The following ZNF827 variants were observed in gnomAD, a reference collection of about 807,000 sequenced individuals.
ZNF827 encodes the protein zinc finger protein 827.
ZNF827 carries 13 observed loss-of-function variants against 102.4 expected under a neutral mutation model. That is an observed-to-expected ratio of 0.13 (90% CI 0.08 to 0.20). ZNF827 has a LOEUF of 0.20. ZNF827 is among the 10% of genes least tolerant of loss of function. The pLI is 1.00. For synonymous variants in ZNF827, 523 were observed against 536.2 expected (o/e 0.98, Z 0.34); for missense variants, 1,103 against 1,344.4 (o/e 0.82, Z 2.81).
intron 11 of ZNF827, among the ~76,000 whole-genome samples, chr4:145,770,286 G>A (rs1183288136): frequency 6.6e-6 from 1 of 151,160 alleles, no homozygotes; most frequent in Admixed American, 6.6e-5. Context: ...GCAACAGAGT[G>A]AGACCCTGTC....
intron 5 of ZNF827, among the ~76,000 whole-genome samples, chr4:145,855,456 A>G (rs1746993715): frequency 6.6e-6 from 1 of 152,238 alleles, no homozygotes; most frequent in Non-Finnish European, 1.5e-5. Flanking sequence ...GTGAACAAGA[A>G]TGCAGACCAA....
At chr4:145,919,083 C>G (rs892395705) in intron 1 of ZNF827, among the ~76,000 whole-genome samples, 1 of 152,042 alleles carries the variant, frequency 6.6e-6, no homozygotes, top group Non-Finnish European at 1.5e-5. Context: ...TAGCAAGACT[C>G]CCATCTCTAC....
At position 145,823,457 on chromosome 4, in the gene ZNF827, C is replaced by G; in HGVS notation, c.2348G>C (p.Ser783Thr). 6.2e-7 allele frequency: 1 copy of G among 1,611,182 alleles called. No individual in the cohort carries two copies. The change falls in exon 8 of 15, where the codon AGT becomes ACT. Residue 783 changes from serine to threonine, a missense_variant. Physicochemically the swap from Ser to Thr is moderately conservative, Grantham distance 58. Transcript: ENST00000508784. ...TATTCTTCCGTGCAGCACGGAGTCA[C>G]TGGGCAGCAGTTCTTTTGAATTGGA... is the stretch of plus-strand genomic sequence containing the variant. The part of the protein sequence containing the change: ...FTSNSKELLP[S>T]DSVLHGRISA...
chr4:145,808,935 G>A (rs1157410572), intron 8 of ZNF827, among the ~76,000 whole-genome samples: 1 of 152,052 alleles, frequency 6.6e-6, no homozygotes, highest in East Asian at 1.9e-4. Context: ...CAAGTAGCTG[G>A]GACTACAGGT....
At chr4:145,860,549 A>G (rs141385175) in intron 5 of ZNF827, among the ~76,000 whole-genome samples, 19 of 152,340 alleles carry the variant, frequency 1.2e-4, no homozygotes, top group African/African-American at 3.4e-4. Flanking sequence ...GGTCGCACAT[A>G]AATTCTATAA....
At chr4:145,845,489 T>TA (rs1040342899) in intron 7 of ZNF827, among the ~76,000 whole-genome samples, 2 of 151,972 alleles carry the variant, frequency 1.3e-5, no homozygotes, top group African/African-American at 2.4e-5. Flanking sequence ...GCTGGGAGGT[T>TA]AAAAAAAATT....
chr4:145,769,068 A>T (rs904750100), intron 11 of ZNF827, among the ~76,000 whole-genome samples: 1 of 151,352 alleles, frequency 6.6e-6, no homozygotes, highest in African/African-American at 2.4e-5. Context: ...AAAGGAAGAA[A>T]TATGTACCCA....
intron 8 of ZNF827, among the ~76,000 whole-genome samples, chr4:145,780,369 G>A (rs1737790570): frequency 6.6e-6 from 1 of 152,198 alleles, no homozygotes; most frequent in Non-Finnish European, 1.5e-5. Flanking sequence ...GTGCTAAGTA[G>A]AATCAGTGAT....
chr4:145,873,862 C>A (rs751604961), intron 4 of ZNF827, among the ~76,000 whole-genome samples: 35 of 152,128 alleles, frequency 2.3e-4, no homozygotes, highest in Admixed American at 2.0e-4. Context: ...TAGTTCATCA[C>A]GACAGAGTAA....
intron 9 of ZNF827, among the ~76,000 whole-genome samples, chr4:145,778,096 A>G (rs1737373502): frequency 6.6e-6 from 1 of 152,142 alleles, no homozygotes; most frequent in Non-Finnish European, 1.5e-5. Context: ...AAAAGACACC[A>G]GTTTGGGCAG....
At chr4:145,845,304 T>G (rs1175991168) in intron 7 of ZNF827, among the ~76,000 whole-genome samples, 30 of 152,222 alleles carry the variant, frequency 2.0e-4, no homozygotes, top group Admixed American at 1.7e-3. Flanking sequence ...CTGATCCTCC[T>G]CTTCTCACAA....
At chr4:145,858,853 A>G (rs1747436154) in intron 5 of ZNF827, among the ~76,000 whole-genome samples, 1 of 152,126 alleles carries the variant, frequency 6.6e-6, no homozygotes, top group Admixed American at 6.5e-5. Context: ...GAGTTTGTCA[A>G]TTTTTCAAGT....
chr4:145,801,677 G>C (rs1393509264), intron 8 of ZNF827, among the ~76,000 whole-genome samples: 1 of 152,178 alleles, frequency 6.6e-6, no homozygotes, highest in Non-Finnish European at 1.5e-5. Context: ...CAGGGCGTGG[G>C]AAGCCAATCA....
chr4:145,898,893 C>T (rs975109072), intron 2 of ZNF827, among the ~76,000 whole-genome samples: 14 of 152,158 alleles, frequency 9.2e-5, no homozygotes, highest in African/African-American at 3.4e-4. Flanking sequence ...GCGGGATCAG[C>T]TTTTCTAGCA....
chr4:145,841,683 G>A (rs1435805982), intron 7 of ZNF827, among the ~76,000 whole-genome samples: 1 of 152,196 alleles, frequency 6.6e-6, no homozygotes, highest in African/African-American at 2.4e-5. Flanking sequence ...AGCATTTACG[G>A]TGAAGTTGCA....
chr4:145,761,120 GCGGGGCCCC>G lies in ZNF827; in HGVS notation c.*487_*495del. ...TTCCGGGAGCTCCCGACCACCAGGA[GCGGGGCCCC>G]CGGGCCGGCCGGTTCCTTGGGGGCT... On this transcript the variant is annotated 3_prime_UTR_variant, in exon 15 of 15. Transcript: ENST00000508784. The surrounding 1 kb of genome is among the most constrained non-coding windows in gnomAD (Gnocchi z 6.8). 7.8e-7 allele frequency: 1 copy of G among 1,289,640 alleles called. No individual in the cohort carries two copies. 79.9% of individuals were successfully genotyped at this position (1,289,640 alleles called of 1,614,324 possible).
At chr4:145,775,425 A>G (rs1049375132) in intron 10 of ZNF827, among the ~76,000 whole-genome samples, 2 of 151,044 alleles carry the variant, frequency 1.3e-5, no homozygotes, top group African/African-American at 2.4e-5. Context: ...ATATTTCCTC[A>G]GCTTTTTTTT....
chr4:145,798,031 A>G (rs1244304468), intron 8 of ZNF827, among the ~76,000 whole-genome samples: 1 of 152,240 alleles, frequency 6.6e-6, no homozygotes, highest in Non-Finnish European at 1.5e-5. Flanking sequence ...GAATCATCCT[A>G]CTAAGTTTCA....
intron 7 of ZNF827, among the ~76,000 whole-genome samples, chr4:145,826,182 C>T (rs531134575): frequency 6.6e-6 from 1 of 152,330 alleles, no homozygotes; most frequent in African/African-American, 2.4e-5. Flanking sequence ...GTCTGAATTT[C>T]ATATTGGTTA....
Sources: gnomAD v4.1 joint callset for allele counts (sites outside exome capture counted in the v4.1 genomes callset) on GRCh38, gnomAD v4.1.1 for gene constraint, Gnocchi (gnomAD v3.1) non-coding constraint, MANE v1.5 for transcripts, NCBI Gene and HGNC (gene_info 2026-07-23, HGNC 2026-07-21) for gene names.